RPF2: variants seen among roughly 807,000 people sequenced by gnomAD.
RPF2 encodes ribosome production factor 2 homolog.
RPF2 carries 21 observed loss-of-function variants against 38.9 expected under a neutral mutation model. The ratio of observed to expected loss-of-function variants is 0.54; its 90% CI spans 0.38 to 0.78. The LOEUF (loss-of-function observed/expected upper bound fraction) is 0.78, where lower values mean the gene tolerates loss of function less well. Ranked by LOEUF, RPF2 falls within the 30% of genes least tolerant of loss-of-function variation. RPF2 has a pLI of 0.00. For missense variants in RPF2, 314 were observed against 358.1 expected, an observed-to-expected ratio of 0.88 and a Z score of 0.99; for synonymous variants, 121 against 126.2, an observed-to-expected ratio of 0.96 and a Z score of 0.28.
intron 8 of RPF2, among the ~76,000 whole-genome samples, chr6:111,022,330 T>G (rs958943898): frequency 3.9e-5 from 6 of 152,174 alleles, no homozygotes; most frequent in African/African-American, 1.4e-4. Context: ...CAAATAATAT[T>G]TAAAAATATG....
At chr6:111,018,773 A>C (rs1418564583) in intron 8 of RPF2, among the ~76,000 whole-genome samples, 1 of 152,192 alleles carries the variant, frequency 6.6e-6, no homozygotes, top group Non-Finnish European at 1.5e-5. Context: ...CTTTATAGTA[A>C]TTTTTAGCTG....
At chr6:111,010,230 C>T (rs1414663557) in intron 7 of RPF2, among the ~76,000 whole-genome samples, 1 of 151,490 alleles carries the variant, frequency 6.6e-6, no homozygotes, top group East Asian at 1.9e-4. Context: ...TGGGCTCAAG[C>T]AGTCCTCTAC....
rs986087140 is a variant in RPF2 at position 111,027,806 on chromosome 6, T to G, written c.*2224T>G. The G allele has an allele frequency of 3.3e-5, 5 of 152,218 alleles. No individual in the cohort carries two copies. Among genetic ancestry groups the G allele is most frequent in the African/African-American group, 1.2e-4 (5 of 41,456 alleles). 9.4% of individuals were successfully genotyped at this position (152,218 alleles called of 1,614,324 possible). A position where few individuals can be genotyped will look rare whatever the true frequency, so the allele number is the denominator to read the frequency against. On this transcript the variant is annotated 3_prime_UTR_variant, in exon 10 of 10. Coordinates refer to ENST00000441448, the MANE Select transcript of RPF2 (RefSeq NM_032194.3). ...TTGCTGATAGAAGTACCAAATAGTA[T>G]TATTGAAGTCTAACAAAGACTTTTT...
chr6:111,024,424 C>T (rs1427214912), intron 9 of RPF2, 97 bp downstream of exon 9: 6 of 1,272,220 alleles, frequency 4.7e-6, no homozygotes, highest in Non-Finnish European at 6.4e-6. Flanking sequence ...TATTAAAAGA[C>T]AAGGACAGGC....
At chr6:110,985,695 T>C (rs1350546418) in intron 2 of RPF2, among the ~76,000 whole-genome samples, 1 of 151,970 alleles carries the variant, frequency 6.6e-6, no homozygotes, top group Non-Finnish European at 1.5e-5. Context: ...ATCCCAGCAC[T>C]TTGGGAGGCC....
At position 111,021,067 on chromosome 6, in the gene RPF2, G is replaced by C. The variant is rs1241744417; in HGVS notation, c.597-3116G>C. 2.0e-5 allele frequency among the ~76,000 whole-genome samples: 3 copies of C among 152,072 alleles called. No individual in the cohort carries two copies. The South Asian group carries it at 6.2e-4, about 32-fold the overall frequency. On this transcript the variant is annotated intron_variant, in intron 8 of 9. Transcript: ENST00000441448. Reference sequence around the variant, plus strand: ...GCCTGTAATCCCAGCTATTCAGGGGGCCAAGGCAGGAGAATTGCTTGAACC... The same window carrying C: ...GCCTGTAATCCCAGCTATTCAGGGGCCCAAGGCAGGAGAATTGCTTGAACC...
chr6:111,008,898 C>CTTTTTTTTTT (rs57167034), intron 7 of RPF2, among the ~76,000 whole-genome samples: 4 of 120,418 alleles, frequency 3.3e-5, no homozygotes, highest in South Asian at 3.0e-4. Context: ...TTCCTGGCTC[C>CTTTTTTTTTT]TTTTTTTTTT....
At chr6:110,987,124 G>C (rs1771538195) in intron 2 of RPF2, among the ~76,000 whole-genome samples, 1 of 152,064 alleles carries the variant, frequency 6.6e-6, no homozygotes, top group Admixed American at 6.6e-5. Flanking sequence ...CTGAAGTGCA[G>C]TGGTGCCATC....
rs1772281878 is a variant in RPF2 at position 111,024,170 on chromosome 6, C to T, written c.597-13C>T. On this transcript the variant is annotated splice_polypyrimidine_tract_variant and intron_variant, in intron 8 of 9. Transcript: ENST00000441448. ...AAGTCAAAGCAACATTTCTTTTTAC[C>T]TATTTCCTAAAGGTTGCTGTTGAAG... 1.3e-6 allele frequency: 2 copies of T among 1,572,352 alleles called. No individual in the cohort carries two copies. The highest frequency in any genetic ancestry group is 1.7e-6 in the Non-Finnish European group (2 of 1,165,308).
intron 1 of RPF2, chr6:110,982,405 A>G (rs1771448424): frequency 3.7e-6 from 2 of 545,092 alleles, no homozygotes; most frequent in South Asian, 4.2e-5. Flanking sequence ...CTTCCGAAGT[A>G]TGAGACAGAT....
rs1441943821 is a variant in RPF2 at position 111,025,817 on chromosome 6, ATTC to A, written c.*241_*243del. On this transcript the variant is annotated 3_prime_UTR_variant, in exon 10 of 10. Coordinates refer to ENST00000441448, the MANE Select transcript of RPF2 (RefSeq NM_032194.3). ...TTGTGATATCCCCTGCCCTCCACAA[ATTC>A]TTCTTTCTCATTGGGTGGATGGATG... The A allele has an allele frequency of 3.5e-6, 1 of 281,902 alleles. No individual in the cohort carries two copies. Among genetic ancestry groups the A allele is most frequent in the African/African-American group, 2.2e-5 (1 of 45,470 alleles). 17.5% of individuals were successfully genotyped at this position (281,902 alleles called of 1,614,324 possible).
chr6:110,996,231 T>C (rs1313555859), intron 4 of RPF2, among the ~76,000 whole-genome samples: 1 of 151,392 alleles, frequency 6.6e-6, no homozygotes, highest in Non-Finnish European at 1.5e-5. Context: ...CAGGCTGGAG[T>C]GCAATGGTGT....
chr6:110,982,980 C>T (rs977278995), intron 1 of RPF2, among the ~76,000 whole-genome samples: 9 of 152,186 alleles, frequency 5.9e-5, no homozygotes, highest in African/African-American at 2.2e-4. Context: ...TAATTTGTAT[C>T]TTTATCAACC....
intron 3 of RPF2, among the ~76,000 whole-genome samples, chr6:110,989,745 C>G (rs189640421): frequency 6.6e-6 from 1 of 151,540 alleles, no homozygotes; most frequent in Admixed American, 6.6e-5. Flanking sequence ...CCTGCCTCAG[C>G]CTCCTGAGTT....
intron 6 of RPF2, among the ~76,000 whole-genome samples, chr6:111,002,013 C>G (rs1282543533): frequency 6.6e-6 from 1 of 152,192 alleles, no homozygotes. Flanking sequence ...GGCGTGCTGG[C>G]TCACGCCTGT....
Position 110,999,752 on chromosome 6 carries a change from G to C in RPF2, c.358G>C (p.Gly120Arg). Reference protein sequence around the residue: ...DYHVLDMIELGIENFVSLKDI... With the variant: ...DYHVLDMIELRIENFVSLKDI... ...CCATGTGCTGGATATGATTGAATTA[G>C]GTATTGAGAATTTTGTCTCTCTAAA... Residue 120 changes from glycine (G) to arginine (R), a missense_variant, in exon 6 of 10, where the codon GGT (glycine) becomes CGT (arginine). Physicochemically the swap from Gly to Arg is moderately radical, Grantham distance 125. Transcript: ENST00000441448. 1 of 1,600,816 alleles carries C rather than the reference G, an allele frequency of 6.2e-7. No homozygotes were observed. The highest frequency in any genetic ancestry group is 8.6e-7 in the Non-Finnish European group (1 of 1,168,202).
chr6:111,009,445 G>C (rs890083573), intron 7 of RPF2, among the ~76,000 whole-genome samples: 2 of 151,444 alleles, frequency 1.3e-5, no homozygotes, highest in African/African-American at 4.9e-5. Context: ...CACCCTCCTT[G>C]GCCTCCCAAA....
chr6:111,017,813 C>T (rs1424001937), intron 8 of RPF2, among the ~76,000 whole-genome samples: 3 of 151,530 alleles, frequency 2.0e-5, no homozygotes, highest in Non-Finnish European at 2.9e-5. Flanking sequence ...GACGGGGTGG[C>T]GGCCAGGCAG....
chr6:111,018,213 G>GA (rs1772166361), intron 8 of RPF2, among the ~76,000 whole-genome samples: 2 of 151,890 alleles, frequency 1.3e-5, no homozygotes, highest in African/African-American at 4.8e-5. Context: ...GAGGGGGAGG[G>GA]GGAGGGAGAG....
Sources: allele counts gnomAD v4.1 joint callset (sites outside exome capture counted in the v4.1 genomes callset), GRCh38; gene constraint gnomAD v4.1.1; transcripts MANE v1.5; gene names NCBI Gene and HGNC (gene_info 2026-07-23, HGNC 2026-07-21).